MTA3: variants seen among roughly 807,000 people sequenced by gnomAD.
The protein encoded by MTA3 is metastasis-associated protein MTA3.
Under a neutral mutation model 83.5 loss-of-function variants are expected in MTA3, and 34 were observed. The observed-to-expected ratio is 0.41, with a 90% confidence interval of 0.31 to 0.54. MTA3 has a LOEUF of 0.54. MTA3 is among the 20% of genes least tolerant of loss of function. The probability of loss-of-function intolerance (pLI) is 0.33; values close to 1 mark genes in which losing one functional copy is unlikely to be tolerated. For synonymous variants in MTA3, 303 were observed against 252.7 expected (o/e 1.20, Z -1.89); for missense variants, 761 against 726.4 (o/e 1.05, Z -0.55).
chr2:42,667,031 A>C (rs1194438351), intron 8 of MTA3, among the ~76,000 whole-genome samples: 3 of 152,188 alleles, frequency 2.0e-5, no homozygotes, highest in Non-Finnish European at 1.5e-5. Flanking sequence ...TCTGAACACT[A>C]TGAACTGTAG....
intron 16 of MTA3, among the ~76,000 whole-genome samples, chr2:42,733,881 G>C (rs1307371201): frequency 6.6e-6 from 1 of 152,030 alleles, no homozygotes; most frequent in Non-Finnish European, 1.5e-5. Flanking sequence ...TTATTTTACT[G>C]TGATCAGAAA....
intron 4 of MTA3, among the ~76,000 whole-genome samples, chr2:42,625,276 C>T (rs1685962227): frequency 6.7e-6 from 1 of 149,496 alleles, no homozygotes; most frequent in South Asian, 2.1e-4. Context: ...AGGTGATCCA[C>T]CCACCTCGGC....
intron 15 of MTA3, among the ~76,000 whole-genome samples, chr2:42,722,314 G>A (rs1003454713): frequency 1.3e-5 from 2 of 152,110 alleles, no homozygotes; most frequent in East Asian, 3.8e-4. Context: ...TATATCCTTG[G>A]ATAAAGCATT....
At chr2:42,729,220 C>A (rs1456327527) in intron 16 of MTA3, among the ~76,000 whole-genome samples, 3 of 149,020 alleles carry the variant, frequency 2.0e-5, no homozygotes, top group Non-Finnish European at 4.5e-5. Context: ...CCTCAGCCTA[C>A]CCAGTAGCTG....
intron 2 of MTA3, among the ~76,000 whole-genome samples, chr2:42,531,509 G>A (rs1362797630): frequency 2.2e-5 from 3 of 135,894 alleles, no homozygotes; most frequent in African/African-American, 8.6e-5. Context: ...CTAGAGTGCA[G>A]TGGCCCAATC....
At chr2:42,663,081 T>C (rs978724084) in intron 8 of MTA3, among the ~76,000 whole-genome samples, 1 of 152,236 alleles carries the variant, frequency 6.6e-6, no homozygotes, top group Non-Finnish European at 1.5e-5. Context: ...TTTACCCTAA[T>C]GTTGCATGAT....
At chr2:42,559,034 T>C (rs754672832) in intron 2 of MTA3, among the ~76,000 whole-genome samples, 3 of 152,048 alleles carry the variant, frequency 2.0e-5, no homozygotes, top group Admixed American at 6.6e-5. Context: ...CCACCCACAC[T>C]CCCTCTCCTG....
chr2:42,669,908 A>G (rs991908522), intron 8 of MTA3, among the ~76,000 whole-genome samples: 4 of 152,206 alleles, frequency 2.6e-5, no homozygotes, highest in Non-Finnish European at 5.9e-5. Flanking sequence ...AACTTTGTCT[A>G]GGATAATTGG....
intron 3 of MTA3, 132 bp downstream of exon 3, chr2:42,579,332 A>C (rs1400710296): frequency 1.3e-5 from 8 of 632,154 alleles, no homozygotes; most frequent in African/African-American, 1.1e-4. Context: ...GATGGGAGTA[A>C]AATAAGTGAT....
At chr2:42,670,850 C>T (rs1385767081) in intron 8 of MTA3, among the ~76,000 whole-genome samples, 2 of 151,456 alleles carry the variant, frequency 1.3e-5, no homozygotes, top group Admixed American at 1.3e-4. Context: ...AAAATAAAAA[C>T]CAAGGATATT....
At chr2:42,588,512 A>C (rs1680597701) in intron 3 of MTA3, among the ~76,000 whole-genome samples, 1 of 152,222 alleles carries the variant, frequency 6.6e-6, no homozygotes, top group South Asian at 2.1e-4. Context: ...CAATTCAATT[A>C]GGTCTTCTTT....
intron 2 of MTA3, among the ~76,000 whole-genome samples, chr2:42,574,561 C>T (rs1573019495): frequency 1.3e-5 from 2 of 152,192 alleles, no homozygotes; most frequent in Non-Finnish European, 2.9e-5. Context: ...CTCAGCCTCC[C>T]AATTAGCTGG....
chr2:42,676,572 C>T (rs1245970569), intron 8 of MTA3, among the ~76,000 whole-genome samples: 1 of 152,168 alleles, frequency 6.6e-6, no homozygotes, highest in African/African-American at 2.4e-5. Context: ...TGGAGACCAG[C>T]CCGGGCAACA....
chr2:42,495,320 T>G (rs373708370), intron 2 of MTA3: 1 of 152,348 alleles, frequency 6.6e-6, no homozygotes, highest in Non-Finnish European at 1.5e-5. Flanking sequence ...TCTCTGTGAG[T>G]TGTTTATCCC....
intron 6 of MTA3, among the ~76,000 whole-genome samples, chr2:42,647,772 A>T (rs1001396038): frequency 6.6e-6 from 1 of 152,224 alleles, no homozygotes; most frequent in African/African-American, 2.4e-5. Context: ...AGCCTGAAGC[A>T]TTAAAGCATA....
intron 2 of MTA3, among the ~76,000 whole-genome samples, chr2:42,505,938 T>G (rs116352845): frequency 0.015 from 2,240 of 151,818 alleles, 42 homozygotes; most frequent in African/African-American, 0.051. Flanking sequence ...CTGGCTAATT[T>G]TTGAAATTTT....
Position 42,638,157 on chromosome 2 carries a change from C to T in MTA3, c.318-2016C>T, listed in dbSNP as rs1398819383. Among the ~76,000 whole-genome samples, 5 of 151,726 alleles carry T rather than the reference C, an allele frequency of 3.3e-5. No individual in the cohort carries two copies. The East Asian group carries it at 9.6e-4, about 29-fold the overall frequency. On this transcript the variant is annotated intron_variant, in intron 4 of 16. Coordinates refer to ENST00000405094, the MANE Select transcript of MTA3 (RefSeq NM_001330442.2). ...TTTTTAAAAAGGGGGATTTTTTTTT[C>T]TAGGTGATTGAGTATCAAATGTTAG...
At chr2:42,623,697 ATTTTTT>A (rs35112138) in intron 4 of MTA3, among the ~76,000 whole-genome samples, 2 of 128,154 alleles carry the variant, frequency 1.6e-5, no homozygotes, top group Admixed American at 8.1e-5. Context: ...GGTAGTTCAG[ATTTTTT>A]TTTTTTTTTT....
intron 2 of MTA3, among the ~76,000 whole-genome samples, chr2:42,512,660 T>C (rs986064290): frequency 6.6e-6 from 1 of 152,140 alleles, no homozygotes; most frequent in African/African-American, 2.4e-5. Context: ...CAAGTTTCCT[T>C]TGATGATGCC....
Sources: allele counts gnomAD v4.1 joint callset (sites outside exome capture counted in the v4.1 genomes callset), GRCh38; gene constraint gnomAD v4.1.1; transcripts MANE v1.5; gene names NCBI Gene and HGNC (gene_info 2026-07-23, HGNC 2026-07-21).